The following CFAP61 variants were observed in gnomAD, a reference collection of about 807,000 sequenced individuals.
CFAP61 encodes the protein cilia- and flagella-associated protein 61.
Under a neutral mutation model 135.6 loss-of-function variants are expected in CFAP61, and 107 were observed. The observed-to-expected ratio is 0.79, with a 90% CI of 0.67 to 0.93. The LOEUF is 0.93. Ranked by LOEUF, CFAP61 falls within the 40% of genes least tolerant of loss-of-function variation. CFAP61 has a pLI of 0.00. For missense variants in CFAP61, 1,507 were observed against 1,556.2 expected (o/e 0.97, Z 0.53); for synonymous variants, 575 against 578.5 (o/e 0.99, Z 0.09).
At chr20:20,181,185 G>A (rs1054834458) in intron 13 of CFAP61, among the ~76,000 whole-genome samples, 37 of 103,914 alleles carry the variant, frequency 3.6e-4, no homozygotes, top group South Asian at 6.4e-4. Context: ...ACATATATAT[G>A]CATATATATG....
At chr20:20,245,701 A>G (rs1439618718) in intron 18 of CFAP61, among the ~76,000 whole-genome samples, 1 of 152,216 alleles carries the variant, frequency 6.6e-6, no homozygotes, top group African/African-American at 2.4e-5. Flanking sequence ...TAAGGACTAG[A>G]TGGGGTAATG....
chr20:20,253,555 ACT>A (rs2146989343), intron 20 of CFAP61: 1 of 489,012 alleles, frequency 2.0e-6, no homozygotes, highest in Non-Finnish European at 4.1e-6. Context: ...GTTCAGCATG[ACT>A]CTGCATTTTT....
chr20:20,314,446 A>T (rs1423303801), intron 25 of CFAP61, among the ~76,000 whole-genome samples: 1 of 151,036 alleles, frequency 6.6e-6, no homozygotes, highest in Non-Finnish European at 1.5e-5. Flanking sequence ...GAAACCATAA[A>T]CCATAGCAGT....
intron 6 of CFAP61, among the ~76,000 whole-genome samples, chr20:20,089,353 G>C (rs1843621838): frequency 6.6e-6 from 1 of 151,866 alleles, no homozygotes; most frequent in Non-Finnish European, 1.5e-5. Flanking sequence ...GAGAAACACA[G>C]TAGCAGAAAT....
intron 18 of CFAP61, among the ~76,000 whole-genome samples, chr20:20,242,906 A>G (rs2050119051): frequency 6.6e-6 from 1 of 152,240 alleles, no homozygotes; most frequent in African/African-American, 2.4e-5. Context: ...TCTACAGGAC[A>G]GTACAGGCAG....
intron 13 of CFAP61, 50 bp from the exon 14 acceptor site, chr20:20,187,880 A>C (rs755679563): frequency 7.0e-7 from 1 of 1,428,818 alleles, no homozygotes; most frequent in Non-Finnish European, 9.8e-7. Flanking sequence ...ATTTGGGGGG[A>C]ATACATATTT....
At chr20:20,138,090 G>A (rs2051077861) in intron 8 of CFAP61, among the ~76,000 whole-genome samples, 4 of 152,220 alleles carry the variant, frequency 2.6e-5, no homozygotes, top group African/African-American at 9.6e-5. Context: ...ACTCTGCCAG[G>A]TGCCCTATCC....
chr20:20,168,810 C>A (rs750030164), intron 12 of CFAP61, among the ~76,000 whole-genome samples: 7 of 152,184 alleles, frequency 4.6e-5, no homozygotes, highest in Non-Finnish European at 7.3e-5. Context: ...TGGATCTGTT[C>A]ACCCAACTGG....
chr20:20,134,523 A>T (rs146616955), intron 8 of CFAP61, among the ~76,000 whole-genome samples: 1 of 152,220 alleles, frequency 6.6e-6, no homozygotes, highest in Non-Finnish European at 1.5e-5. Flanking sequence ...ATTAGAATGC[A>T]TTACATGCTC....
chr20:20,283,952 T>A (rs2147054786), intron 22 of CFAP61, among the ~76,000 whole-genome samples: 2 of 152,334 alleles, frequency 1.3e-5, no homozygotes, highest in South Asian at 4.1e-4. Context: ...AAGTCACATG[T>A]GCCATATAAC....
intron 13 of CFAP61, among the ~76,000 whole-genome samples, chr20:20,187,008 A>G (rs1034843610): frequency 6.6e-6 from 1 of 152,168 alleles, no homozygotes; most frequent in Non-Finnish European, 1.5e-5. Flanking sequence ...CAGGCATCCA[A>G]CTAAGGGCTT....
intron 8 of CFAP61, among the ~76,000 whole-genome samples, chr20:20,119,126 G>C (rs146951705): frequency 6.6e-6 from 1 of 151,980 alleles, no homozygotes; most frequent in African/African-American, 2.4e-5. Context: ...CAGTAATGCT[G>C]TCCTCATACA....
At chr20:20,155,696 A>G (rs2052844122) in intron 9 of CFAP61, among the ~76,000 whole-genome samples, 1 of 152,226 alleles carries the variant, frequency 6.6e-6, no homozygotes, top group Non-Finnish European at 1.5e-5. Flanking sequence ...TATCAGGGAA[A>G]TGAAAATCAA....
chr20:20,146,542 A>G (rs981988840), intron 9 of CFAP61, among the ~76,000 whole-genome samples: 2 of 152,240 alleles, frequency 1.3e-5, no homozygotes, highest in East Asian at 1.9e-4. Context: ...GGCTCTAGTT[A>G]TAATATTTAG....
At chr20:20,337,534 A>G (rs2058265088) in intron 25 of CFAP61, among the ~76,000 whole-genome samples, 5 of 137,102 alleles carry the variant, frequency 3.6e-5, no homozygotes, top group African/African-American at 8.8e-5. Flanking sequence ...GGATGGATAG[A>G]TGGGTGGGTG....
At position 20,262,969 on chromosome 20, in the gene CFAP61, C is replaced by T. The variant is rs2052389167; in HGVS notation, c.2342C>T (p.Thr781Ile). The change falls in exon 21 of 27, where the codon ACA becomes ATA. Residue 781 changes from threonine to isoleucine, a missense_variant. Coordinates refer to ENST00000245957, the MANE Select transcript of CFAP61 (RefSeq NM_015585.4). ...AACATGCTTCAGGTCCCATGCCCTA[C>T]AGAGGCTGATATTAGTCAACACCTG... ...TGQQYQVPCPTEADISQHLTN... is the reference protein window; with the variant it reads ...TGQQYQVPCPIEADISQHLTN... 6.2e-7 allele frequency: 1 copy of T among 1,612,440 alleles called. No homozygotes were observed. The highest frequency in any genetic ancestry group is 1.7e-5 in the Admixed American group (1 of 59,856).
intron 13 of CFAP61, chr20:20,184,511 C>A (rs2055356891): frequency 6.6e-6 from 1 of 152,078 alleles, no homozygotes; most frequent in Non-Finnish European, 1.5e-5. Flanking sequence ...AGGTCAGGGT[C>A]CAAATTTTAA....
At chr20:20,323,953 C>T (rs756199185) in intron 25 of CFAP61, among the ~76,000 whole-genome samples, 6 of 152,050 alleles carry the variant, frequency 3.9e-5, no homozygotes, top group East Asian at 1.9e-4. Flanking sequence ...TATTTTTTAA[C>T]GACTGGATAG....
intron 26 of CFAP61, among the ~76,000 whole-genome samples, chr20:20,355,852 A>T (rs2059108577): frequency 7.1e-6 from 1 of 140,004 alleles, no homozygotes; most frequent in African/African-American, 2.8e-5. Context: ...AGGTGGTCAC[A>T]CTGAGGGGAG....
Sources: allele counts gnomAD v4.1 joint callset (sites outside exome capture counted in the v4.1 genomes callset), GRCh38; gene constraint gnomAD v4.1.1; transcripts MANE v1.5; gene names NCBI Gene and HGNC (gene_info 2026-07-23, HGNC 2026-07-21).